Variants in EPS15 observed in about 807,000 individuals in gnomAD.
EPS15 encodes the protein epidermal growth factor receptor substrate 15.
In EPS15, 72 loss-of-function variants were observed where a neutral mutation model predicts 113.8. The observed-to-expected ratio is 0.63, with a 90% CI of 0.52 to 0.77. The LOEUF (loss-of-function observed/expected upper bound fraction) is 0.77. EPS15 is among the 30% of genes least tolerant of loss of function. The pLI, the probability that EPS15 is intolerant of heterozygous loss-of-function variation, is 0.00. For synonymous variants in EPS15, 344 were observed against 363.4 expected, an observed-to-expected ratio of 0.95 and a Z score of 0.61; for missense variants, 1,048 against 1,045.8, an observed-to-expected ratio of 1.00 and a Z score of -0.03.
At chr1:51,458,252 AG>A (rs1216127531) in intron 8 of EPS15, 1 of 152,772 alleles carries the variant, frequency 6.5e-6, no homozygotes, top group African/African-American at 2.4e-5. Flanking sequence ...AATTCAAGGT[AG>A]TAATTTCCTA....
intron 12 of EPS15, chr1:51,423,308 C>A (rs1343822899): frequency 2.3e-6 from 3 of 1,276,778 alleles, no homozygotes; most frequent in Non-Finnish European, 2.0e-6. Context: ...CATACCTCAA[C>A]CTATTTATCA....
chr1:51,488,387 G>C (rs975064542), intron 1 of EPS15, among the ~76,000 whole-genome samples: 3 of 143,822 alleles, frequency 2.1e-5, no homozygotes, highest in African/African-American at 7.7e-5. Flanking sequence ...GAATTCTTTT[G>C]AAAGAGTCCA....
At chr1:51,506,185 C>T (rs12089422) in intron 1 of EPS15, among the ~76,000 whole-genome samples, 3 of 152,162 alleles carry the variant, frequency 2.0e-5, no homozygotes, top group African/African-American at 7.2e-5. Context: ...CCGTGCCCAG[C>T]CAACAATGTT....
intron 12 of EPS15, among the ~76,000 whole-genome samples, chr1:51,431,726 C>T (rs1351916407): frequency 1.3e-5 from 2 of 151,972 alleles, no homozygotes; most frequent in Non-Finnish European, 2.9e-5. Context: ...GGATTACAGG[C>T]GTGAGTTACC....
At chr1:51,514,665 C>G (rs1003809442) in intron 1 of EPS15, among the ~76,000 whole-genome samples, 1 of 152,152 alleles carries the variant, frequency 6.6e-6, no homozygotes, top group Non-Finnish European at 1.5e-5. Context: ...TAGTCTGTTA[C>G]TAGCATTCTG....
chr1:51,492,618 G>C (rs1160417768), intron 1 of EPS15, among the ~76,000 whole-genome samples: 4 of 152,084 alleles, frequency 2.6e-5, no homozygotes, highest in African/African-American at 9.7e-5. Flanking sequence ...AGGTGACATA[G>C]AGACAGAATG....
chr1:51,366,093 GTC>G, intron 21 of EPS15, 64 bp from the exon 22 acceptor site: 1 of 1,073,186 alleles, frequency 9.3e-7, no homozygotes, highest in South Asian at 1.4e-5. Context: ...TTGAGACAGA[GTC>G]TCACTCTGTC....
intron 1 of EPS15, among the ~76,000 whole-genome samples, chr1:51,483,463 G>A (rs568749927): frequency 1.3e-5 from 2 of 149,894 alleles, no homozygotes; most frequent in South Asian, 4.2e-4. Context: ...CAGTTTTTCT[G>A]GAGAACCCTA....
At chr1:51,437,013 A>C (rs1164852750) in intron 12 of EPS15, among the ~76,000 whole-genome samples, 2 of 152,220 alleles carry the variant, frequency 1.3e-5, no homozygotes, top group Non-Finnish European at 2.9e-5. Context: ...TTAAGTTAAA[A>C]ATATCATACT....
intron 1 of EPS15, among the ~76,000 whole-genome samples, chr1:51,508,540 G>T (rs1169746162): frequency 6.6e-6 from 1 of 152,162 alleles, no homozygotes; most frequent in Non-Finnish European, 1.5e-5. Context: ...ATCACTCAGA[G>T]ATGTCACAAA....
chr1:51,426,562 A>G (rs1651213907), intron 12 of EPS15, among the ~76,000 whole-genome samples: 1 of 151,434 alleles, frequency 6.6e-6, no homozygotes, highest in Admixed American at 6.6e-5. Flanking sequence ...GGTATTTTTT[A>G]GGTGAGATTA....
At position 51,472,822 on chromosome 1, in the gene EPS15, A is replaced by G. The variant is rs765121775; in HGVS notation, c.165+37T>C. ...AGTTCATCTATAGTACACATTCCTT[A>G]CAAACTTATAATCTAGTTATAATGA... On this transcript the variant is annotated intron_variant, in intron 3 of 24. Transcript: ENST00000371733. The G allele has an allele frequency of 1.8e-5, 27 of 1,472,728 alleles. No individual in the cohort carries two copies. The South Asian group carries it at 3.1e-4, about 17-fold the overall frequency. 91.2% of individuals were successfully genotyped at this position (1,472,728 alleles called of 1,614,324 possible).
chr1:51,446,979 T>A lies in EPS15; in HGVS notation c.778A>T (p.Thr260Ser). 1 of 1,612,826 alleles carries A rather than the reference T, an allele frequency of 6.2e-7. No individual in the cohort carries two copies. The highest frequency in any genetic ancestry group is 2.2e-5 in the East Asian group (1 of 44,844). ...EIFLKTGLPS[T>S]LLAHIWSLCD... Reference sequence around the variant, plus strand: ...TCTTACCATATATGGGCTAGTAAGGTAGAAGGTAAACCTGTTTTCAAGAAT... The same window carrying A: ...TCTTACCATATATGGGCTAGTAAGGAAGAAGGTAAACCTGTTTTCAAGAAT... The change falls in exon 10 of 25, where the codon ACC (threonine) becomes TCC (serine). Residue 260 changes from threonine (T) to serine (S), a missense_variant. Physicochemically the swap from Thr to Ser is moderately conservative, Grantham distance 58 (BLOSUM62 1). Transcript: ENST00000371733.
chr1:51,487,256 C>G (rs997437559), intron 1 of EPS15, among the ~76,000 whole-genome samples: 3 of 151,940 alleles, frequency 2.0e-5, no homozygotes, highest in Non-Finnish European at 4.4e-5. Flanking sequence ...GACCGAGAAA[C>G]TGATAAAAAT....
intron 18 of EPS15, chr1:51,401,165 A>G (rs140829336): frequency 4.7e-5 from 19 of 406,102 alleles, no homozygotes; most frequent in African/African-American, 3.9e-4. Flanking sequence ...GATGGAGGGG[A>G]AGACATTACA....
intron 21 of EPS15, among the ~76,000 whole-genome samples, chr1:51,370,102 T>C (rs946634069): frequency 2.6e-5 from 4 of 152,208 alleles, no homozygotes; most frequent in Non-Finnish European, 5.9e-5. Flanking sequence ...ACAGGCTACA[T>C]ATATGATGGT....
chr1:51,478,375 A>G (rs1240511839), intron 2 of EPS15, among the ~76,000 whole-genome samples: 5 of 152,188 alleles, frequency 3.3e-5, no homozygotes, highest in Middle Eastern at 3.2e-3. Flanking sequence ...GGTCTCCTGA[A>G]TACAGCACAC....
intron 12 of EPS15, chr1:51,423,098 G>A (rs1236268754): frequency 1.4e-6 from 1 of 702,798 alleles, no homozygotes; most frequent in Non-Finnish European, 2.0e-6. Flanking sequence ...CAACTGTTTT[G>A]GATACGTAGG....
At chr1:51,398,961 T>C in intron 20 of EPS15, 71 bp downstream of exon 20, 4 of 1,323,668 alleles carry the variant, frequency 3.0e-6, no homozygotes, top group Non-Finnish European at 4.2e-6. Context: ...TTCATCACTA[T>C]GTATTTCAAG....
Sources: gnomAD v4.1 joint callset for allele counts (sites outside exome capture counted in the v4.1 genomes callset) on GRCh38, gnomAD v4.1.1 for gene constraint, MANE v1.5 for transcripts, NCBI Gene and HGNC (gene_info 2026-07-23, HGNC 2026-07-21) for gene names.